The following LSAMP variants were observed in gnomAD, a reference collection of about 807,000 sequenced individuals.
The protein encoded by LSAMP is limbic system-associated membrane protein.
In LSAMP, 7 loss-of-function variants were observed where a neutral mutation model predicts 38.6. The ratio of observed to expected loss-of-function variants is 0.18; its 90% CI spans 0.10 to 0.34. The LOEUF (loss-of-function observed/expected upper bound fraction) is 0.34. Among genes scored for constraint, LSAMP ranks in the 10% least tolerant of loss-of-function variants. The pLI is 1.00. For synonymous variants in LSAMP, 154 were observed against 166.8 expected (o/e 0.92, Z 0.59); for missense variants, 313 against 420.0 (o/e 0.75, Z 2.23).
At chr3:116,131,973 G>A (rs562501035) in intron 1 of LSAMP, among the ~76,000 whole-genome samples, 17 of 151,746 alleles carry the variant, frequency 1.1e-4, no homozygotes, top group South Asian at 1.0e-3. Flanking sequence ...AATTATAGGT[G>A]CACACTACCA....
At chr3:116,227,565 A>G (rs931835636) in intron 1 of LSAMP, among the ~76,000 whole-genome samples, 2 of 152,188 alleles carry the variant, frequency 1.3e-5, no homozygotes, top group Non-Finnish European at 2.9e-5. Flanking sequence ...TTTTCAGTCA[A>G]CCTATTTTTT....
chr3:116,017,243 C>A (rs1006075964), intron 3 of LSAMP, among the ~76,000 whole-genome samples: 1 of 152,048 alleles, frequency 6.6e-6, no homozygotes, highest in African/African-American at 2.4e-5. Flanking sequence ...AAGTTCAGTT[C>A]AGCCATAGCA....
At chr3:116,234,076 A>C (rs2046436264) in intron 1 of LSAMP, among the ~76,000 whole-genome samples, 1 of 152,328 alleles carries the variant, frequency 6.6e-6, no homozygotes, top group East Asian at 1.9e-4. Context: ...GGCTTTCAGA[A>C]ACAAATACAG....
chr3:116,291,666 GTT>G (rs2047269322), intron 1 of LSAMP, among the ~76,000 whole-genome samples: 1 of 152,082 alleles, frequency 6.6e-6, no homozygotes, highest in East Asian at 1.9e-4. Flanking sequence ...AGCTTTGATG[GTT>G]TCTTTCTTTC....
At chr3:116,165,829 C>T in intron 1 of LSAMP, among the ~76,000 whole-genome samples, 1 of 152,136 alleles carries the variant, frequency 6.6e-6, no homozygotes, top group East Asian at 1.9e-4. Flanking sequence ...CCTGGAATAT[C>T]TCTCCCTGGT....
chr3:116,354,192 T>C (rs565218039), intron 1 of LSAMP, among the ~76,000 whole-genome samples: 1 of 152,262 alleles, frequency 6.6e-6, no homozygotes, highest in East Asian at 1.9e-4. Context: ...CTTTAACTGA[T>C]TGTCCTGTCT....
rs118184243 is a variant in LSAMP at position 116,300,416 on chromosome 3, C to T, written c.155+144461G>A. On this transcript the variant is annotated intron_variant, in intron 1 of 6. Transcript: ENST00000490035. ...TCAGAGGCCTTATTGACAATGGGCCCGCTCTCCTATTGACTTGATTTGTAA... is the reference window on the plus strand; with the variant it reads ...TCAGAGGCCTTATTGACAATGGGCCTGCTCTCCTATTGACTTGATTTGTAA... Among the ~76,000 whole-genome samples, 220 of 152,254 alleles carry T rather than the reference C, an allele frequency of 1.4e-3. No individual in the cohort carries two copies. The East Asian group carries it at 0.016, about 11-fold the overall frequency.
intron 1 of LSAMP, among the ~76,000 whole-genome samples, chr3:116,220,982 A>G (rs1488050322): frequency 6.6e-6 from 1 of 151,824 alleles, no homozygotes; most frequent in African/African-American, 2.4e-5. Context: ...GTGAAACCCC[A>G]TCTCTACTAA....
intron 3 of LSAMP, among the ~76,000 whole-genome samples, chr3:115,960,499 CTCT>C (rs1463678745): frequency 1.3e-5 from 2 of 152,180 alleles, no homozygotes; most frequent in Non-Finnish European, 2.9e-5. Flanking sequence ...TCCATTTCTG[CTCT>C]TCTTTTTTCC....
intron 1 of LSAMP, among the ~76,000 whole-genome samples, chr3:116,131,862 C>T (rs1285703248): frequency 6.7e-6 from 1 of 150,132 alleles, no homozygotes; most frequent in African/African-American, 2.5e-5. Context: ...GAGTCTTGCT[C>T]TGTCTCCCAG....
At chr3:115,898,165 T>G (rs1936776001) in intron 3 of LSAMP, among the ~76,000 whole-genome samples, 1 of 152,072 alleles carries the variant, frequency 6.6e-6, no homozygotes, top group African/African-American at 2.4e-5. Context: ...TCCCCAAATT[T>G]TGGATGATGA....
At chr3:116,349,848 G>A (rs1210420161) in intron 1 of LSAMP, among the ~76,000 whole-genome samples, 2 of 151,892 alleles carry the variant, frequency 1.3e-5, no homozygotes, top group South Asian at 2.1e-4. Context: ...AAAAGAAGAC[G>A]TTTGGGCATA....
chr3:116,238,508 T>C (rs534052120), intron 1 of LSAMP, among the ~76,000 whole-genome samples: 1 of 152,150 alleles, frequency 6.6e-6, no homozygotes, highest in Non-Finnish European at 1.5e-5. Context: ...AGACAGCACA[T>C]TTTGAGTCCA....
intron 1 of LSAMP, among the ~76,000 whole-genome samples, chr3:116,206,975 C>T (rs1169779163): frequency 4.7e-5 from 7 of 150,118 alleles, no homozygotes; most frequent in Non-Finnish European, 8.9e-5. Flanking sequence ...CTTTCTGTCT[C>T]GTTGATCTGT....
At chr3:116,429,192 A>G (rs1157502806) in intron 1 of LSAMP, among the ~76,000 whole-genome samples, 2 of 152,236 alleles carry the variant, frequency 1.3e-5, no homozygotes, top group Admixed American at 1.3e-4. Flanking sequence ...TCTACAGGAA[A>G]GAGACTGGTT....
intron 4 of LSAMP, among the ~76,000 whole-genome samples, chr3:115,843,057 C>G (rs568669363): frequency 6.6e-6 from 1 of 152,282 alleles, no homozygotes; most frequent in South Asian, 2.1e-4. Context: ...CCTTTCCAAC[C>G]CAAGTTTGGT....
At chr3:116,409,568 G>A (rs2048944406) in intron 1 of LSAMP, among the ~76,000 whole-genome samples, 1 of 151,990 alleles carries the variant, frequency 6.6e-6, no homozygotes, top group Non-Finnish European at 1.5e-5. Context: ...CGACTGGAAG[G>A]GTGAGCCATA....
At chr3:116,233,709 C>T (rs916975828) in intron 1 of LSAMP, among the ~76,000 whole-genome samples, 10 of 151,658 alleles carry the variant, frequency 6.6e-5, no homozygotes, top group East Asian at 3.9e-4. Context: ...CCCCTCTCCC[C>T]GCCACCAAAA....
chr3:116,113,633 G>A (rs1306257408), intron 1 of LSAMP, among the ~76,000 whole-genome samples: 1 of 151,264 alleles, frequency 6.6e-6, no homozygotes, highest in Non-Finnish European at 1.5e-5. Flanking sequence ...CACTGTTTTA[G>A]CCAGGATGGT....
Sources: gnomAD v4.1 joint callset for allele counts (sites outside exome capture counted in the v4.1 genomes callset) on GRCh38, gnomAD v4.1.1 for gene constraint, MANE v1.5 for transcripts, NCBI Gene and HGNC (gene_info 2026-07-23, HGNC 2026-07-21) for gene names.